Variants in MTCH1 observed in about 807,000 individuals in gnomAD.
The protein encoded by MTCH1 is mitochondrial carrier 1.
A neutral mutation model predicts 49.3 loss-of-function variants in MTCH1; 23 were observed. That is an observed-to-expected ratio of 0.47 (90% confidence interval 0.34 to 0.66). MTCH1 has a LOEUF of 0.66. Ranked by LOEUF, MTCH1 falls within the 30% of genes least tolerant of loss-of-function variation. The pLI, the probability that MTCH1 is intolerant of heterozygous loss-of-function variation, is 0.01. For missense variants in MTCH1, 397 were observed against 532.1 expected (o/e 0.75, Z 2.50); for synonymous variants, 229 against 215.2 (o/e 1.06, Z -0.56).
chr6:36,973,357 G>C (rs1763749482), intron 7 of MTCH1, among the ~76,000 whole-genome samples: 1 of 152,312 alleles, frequency 6.6e-6, no homozygotes, highest in South Asian at 2.1e-4. Context: ...TTTGAGGTCA[G>C]TGAGTCCCAT....
At chr6:36,976,259 A>T (rs958099983) in intron 6 of MTCH1, among the ~76,000 whole-genome samples, 1 of 152,214 alleles carries the variant, frequency 6.6e-6, no homozygotes. Flanking sequence ...CCGGGGACTC[A>T]TGCCCTGGCC....
At chr6:36,986,260 T>C, upstream of MTCH1, 1 of 1,219,204 alleles carries the variant, frequency 8.2e-7, no homozygotes, top group Non-Finnish European at 1.1e-6. Flanking sequence ...GGCGCACCAC[T>C]CCAGGCCGCG....
chr6:36,975,037 C>T lies in MTCH1; in HGVS notation c.761+621G>A, dbSNP rs555681551. 5.3e-5 allele frequency among the ~76,000 whole-genome samples: 8 copies of T among 152,288 alleles called. No individual in the cohort carries two copies. The South Asian group carries it at 1.2e-3, about 24-fold the overall frequency. ...TAGAGGTGAAGTACACTGGATGTGA[C>T]GTGACGAAGTACAGGGTGTCTGCGG... On this transcript the variant is annotated intron_variant, in intron 7 of 11. Transcript: ENST00000373627.
chr6:36,984,611 A>G (rs1764227407), intron 1 of MTCH1, among the ~76,000 whole-genome samples: 1 of 151,582 alleles, frequency 6.6e-6, no homozygotes, highest in Non-Finnish European at 1.5e-5. Flanking sequence ...CCTCCCCCCA[A>G]GCTTCTTAAC....
chr6:36,975,442 A>T (rs1763839292), intron 7 of MTCH1, among the ~76,000 whole-genome samples: 1 of 152,238 alleles, frequency 6.6e-6, no homozygotes, highest in Admixed American at 6.5e-5. Flanking sequence ...CCCATGTACT[A>T]GACACACAGT....
At chr6:36,976,285 AGATGAGAGGACAAGCTG>A (rs1763875678) in intron 6 of MTCH1, among the ~76,000 whole-genome samples, 1 of 152,288 alleles carries the variant, frequency 6.6e-6, no homozygotes, top group East Asian at 1.9e-4. Context: ...ACCCTGTTAG[AGATGAGAGGACAAGCTG>A]GATGAGAGGA....
intron 2 of MTCH1, among the ~76,000 whole-genome samples, chr6:36,980,385 C>T (rs572730593): frequency 8.5e-5 from 13 of 152,340 alleles, no homozygotes; most frequent in African/African-American, 1.9e-4. Context: ...CGTGCAGGGC[C>T]GCAGCCATCT....
rs1376457146 is a variant in MTCH1, at chr6:36,968,420, GCCTCCTAGCA to G, written c.*473_*482del. ...AAACACAGGCAGAGCCTGGCCATTTGCCTCCTAGCATAGGCCTAGACATGATGGTGGCCAC... is the reference window on the plus strand; with the variant it reads ...AAACACAGGCAGAGCCTGGCCATTTGTAGGCCTAGACATGATGGTGGCCAC... On this transcript the variant is annotated 3_prime_UTR_variant, in exon 12 of 12. Coordinates refer to ENST00000373627, the MANE Select transcript of MTCH1 (RefSeq NM_001271641.2). 2.2e-5 allele frequency: 6 copies of G among 277,230 alleles called. No individual in the cohort carries two copies. The highest frequency in any genetic ancestry group is 4.3e-5 in the Non-Finnish European group (6 of 139,442). 17.2% of individuals were successfully genotyped at this position (277,230 alleles called of 1,614,324 possible).
At chr6:36,986,287 T>C, upstream of MTCH1, 1 of 1,031,118 alleles carries the variant, frequency 9.7e-7, no homozygotes, top group Non-Finnish European at 1.3e-6. Flanking sequence ...CTCGGGAGCG[T>C]GGTGCGGCGG....
At chr6:36,976,333 G>A (rs1763877209) in intron 6 of MTCH1, among the ~76,000 whole-genome samples, 1 of 152,116 alleles carries the variant, frequency 6.6e-6, no homozygotes. Flanking sequence ...GTTCTTGGGT[G>A]TGAAATGCCA....
At chr6:36,969,780 G>C in intron 11 of MTCH1, 2 of 1,385,596 alleles carry the variant, frequency 1.4e-6, no homozygotes, top group Middle Eastern at 2.6e-4. Context: ...CTTATCCTAA[G>C]AGTCTTTAAG....
intron 2 of MTCH1, 25 bp from the exon 3 acceptor site, chr6:36,978,636 G>A (rs1392550250): frequency 1.2e-6 from 2 of 1,608,628 alleles, no homozygotes; most frequent in Non-Finnish European, 1.7e-6. Flanking sequence ...AGGTGGCAGA[G>A]GAGTCACACC....
rs774940960 is a variant in MTCH1 at position 36,977,621 on chromosome 6, G to T, written c.649+13C>A. 2 of 1,578,678 alleles carry T rather than the reference G, an allele frequency of 1.3e-6. No homozygotes were observed. The highest frequency in any genetic ancestry group is 3.4e-5 in the Admixed American group (2 of 59,032). Reference sequence around the variant, plus strand: ...AGCTTAGATACAGTCTCGGGGGAAGGGGGGTGGCTTACCATGCAGGGGGTG... The same window carrying T: ...AGCTTAGATACAGTCTCGGGGGAAGTGGGGTGGCTTACCATGCAGGGGGTG... On this transcript the variant is annotated intron_variant, in intron 5 of 11. Coordinates refer to ENST00000373627, the MANE Select transcript of MTCH1 (RefSeq NM_001271641.2). This position sits in a 1 kb window ranked among gnomAD's most constrained non-coding sequence, Gnocchi z 5.4.
rs1764296577 is a variant in MTCH1, at chr6:36,985,998, TGAGCCGCAGGCC to T, written c.164_175del (p.Arg55_Ala58del). 1 of 1,538,816 alleles carries T rather than the reference TGAGCCGCAGGCC, an allele frequency of 6.5e-7. No homozygotes were observed. The highest frequency in any genetic ancestry group is 2.5e-5 in the East Asian group (1 of 39,308). On this transcript the variant is annotated inframe_deletion, in exon 1 of 12. Coordinates refer to ENST00000373627, the MANE Select transcript of MTCH1 (RefSeq NM_001271641.2). The stretch of plus-strand genomic sequence containing the variant: ...GCCATCCATCCTGCGGGCCGAGGGC[TGAGCCGCAGGCC>T]GAGGGTGGCGAGGATGTGCGCGGTG...
At chr6:36,978,829 GACAA>G (rs1408533683) in intron 2 of MTCH1, among the ~76,000 whole-genome samples, 3 of 144,886 alleles carry the variant, frequency 2.1e-5, no homozygotes, top group East Asian at 2.0e-4. Flanking sequence ...ATGTATTTCT[GACAA>G]ACAAGTTCAT....
intron 2 of MTCH1, 134 bp from the exon 3 acceptor site, chr6:36,978,745 T>TG: frequency 1.5e-6 from 1 of 677,088 alleles, no homozygotes; most frequent in Non-Finnish European, 2.5e-6. Context: ...GTAACATCTG[T>TG]CCAGGACCTG....
chr6:36,977,285 T>A lies in MTCH1; in HGVS notation c.650-35A>T. ...AAAAAGAAAACACACACAGGTGATG[T>A]GGTGGGCCACACTTCATAATGCTCC... is the stretch of plus-strand genomic sequence containing the variant. On this transcript the variant is annotated intron_variant, in intron 5 of 11. Transcript: ENST00000373627. The surrounding 1 kb of genome is among the most constrained non-coding windows in gnomAD (Gnocchi z 5.4). 1 of 1,611,024 alleles carries A rather than the reference T, an allele frequency of 6.2e-7. No homozygotes were observed. Among genetic ancestry groups the A allele is most frequent in the Non-Finnish European group, 8.5e-7 (1 of 1,178,262 alleles).
intron 2 of MTCH1, among the ~76,000 whole-genome samples, chr6:36,981,084 G>A (rs1764067606): frequency 6.6e-6 from 1 of 152,198 alleles, no homozygotes; most frequent in Non-Finnish European, 1.5e-5. Flanking sequence ...ACACCATTCT[G>A]TAACCAACAG....
chr6:36,970,804 G>T, intron 8 of MTCH1, 110 bp from the exon 9 acceptor site: 1 of 1,204,672 alleles, frequency 8.3e-7, no homozygotes, highest in Non-Finnish European at 1.2e-6. Flanking sequence ...CAAGCACGCT[G>T]CACATGCCTT....
Sources: gnomAD v4.1 joint callset for allele counts (sites outside exome capture counted in the v4.1 genomes callset) on GRCh38, gnomAD v4.1.1 for gene constraint, Gnocchi (gnomAD v3.1) non-coding constraint, MANE v1.5 for transcripts, NCBI Gene and HGNC (gene_info 2026-07-23, HGNC 2026-07-21) for gene names.